NDUFA12: variants seen among roughly 807,000 people sequenced by gnomAD.
The protein encoded by NDUFA12 is NADH:ubiquinone oxidoreductase subunit A12.
A neutral mutation model predicts 20.3 loss-of-function variants in NDUFA12; 17 were observed. The observed-to-expected ratio is 0.84, with a 90% CI of 0.57 to 1.26. The LOEUF (loss-of-function observed/expected upper bound fraction) is 1.26. NDUFA12 is among the 50% of genes most tolerant of loss of function. NDUFA12 has a pLI of 0.00. For synonymous variants in NDUFA12, 72 were observed against 63.6 expected (o/e 1.13, Z -0.63); for missense variants, 191 against 183.7 (o/e 1.04, Z -0.23).
At chr12:94,982,901 T>C (rs892094768) in intron 3 of NDUFA12, among the ~76,000 whole-genome samples, 21 of 152,190 alleles carry the variant, frequency 1.4e-4, no homozygotes, top group Admixed American at 6.5e-4. Flanking sequence ...GAAGGTCATA[T>C]TCTCCTAACC....
At chr12:94,996,560 C>G (rs1355597565) in intron 2 of NDUFA12, among the ~76,000 whole-genome samples, 1 of 151,986 alleles carries the variant, frequency 6.6e-6, no homozygotes, top group Non-Finnish European at 1.5e-5. Flanking sequence ...TGGCTCACAC[C>G]TGTAATCCCA....
chr12:94,981,133 A>T (rs1336977289), intron 3 of NDUFA12, among the ~76,000 whole-genome samples: 1 of 152,240 alleles, frequency 6.6e-6, no homozygotes, highest in Non-Finnish European at 1.5e-5. Flanking sequence ...AAAAAGTAGT[A>T]TAGAATAGTA....
chr12:94,986,760 C>T (rs1241168877), intron 3 of NDUFA12, among the ~76,000 whole-genome samples: 1 of 151,992 alleles, frequency 6.6e-6, no homozygotes, highest in African/African-American at 2.4e-5. Context: ...CCAGTGCACT[C>T]AGCCTGGGCG....
chr12:94,999,922 C>T (rs1874965351), intron 2 of NDUFA12, among the ~76,000 whole-genome samples: 1 of 152,142 alleles, frequency 6.6e-6, no homozygotes, highest in African/African-American at 2.4e-5. Flanking sequence ...TAAGGAGATT[C>T]CTTAAAGAAC....
At chr12:94,989,644 G>C (rs1370617248) in intron 3 of NDUFA12, among the ~76,000 whole-genome samples, 1 of 152,210 alleles carries the variant, frequency 6.6e-6, no homozygotes, top group African/African-American at 2.4e-5. Context: ...TCTCCACAAA[G>C]AAATGCAGCT....
intron 2 of NDUFA12, among the ~76,000 whole-genome samples, chr12:95,002,116 T>C (rs1875059794): frequency 6.6e-6 from 1 of 151,992 alleles, no homozygotes. Context: ...CATATTTATA[T>C]GGTTTTGCCC....
At chr12:94,998,346 C>T (rs1177111181) in intron 2 of NDUFA12, among the ~76,000 whole-genome samples, 1 of 152,042 alleles carries the variant, frequency 6.6e-6, no homozygotes, top group East Asian at 1.9e-4. Context: ...TAAAAAAAGC[C>T]ATATATGACA....
chr12:94,971,522 C>G lies in NDUFA12; in HGVS notation c.356G>C (p.Gly119Ala). 6.2e-7 allele frequency: 1 copy of G among 1,614,084 alleles called. No individual in the cohort carries two copies. The highest frequency in any genetic ancestry group is 8.5e-7 in the Non-Finnish European group (1 of 1,180,006). The change falls in exon 4 of 4, where the codon GGC becomes GCC. Residue 119 changes from glycine (G) to alanine (A), a missense_variant. Coordinates refer to ENST00000327772, the MANE Select transcript of NDUFA12 (RefSeq NM_018838.5). ...IWTNHKFNVT[G>A]TPEQYVPYST... ...ATAAGGTACATATTGTTCTGGGGTG[C>G]CAGTCACGTTGAATTTATGGTTCGT...
chr12:94,987,019 T>A (rs1874467004), intron 3 of NDUFA12, among the ~76,000 whole-genome samples: 1 of 152,168 alleles, frequency 6.6e-6, no homozygotes. Context: ...AACCTCAAAG[T>A]GTCTCCCCAC....
chr12:94,986,633 T>TAA (rs200377156), intron 3 of NDUFA12, among the ~76,000 whole-genome samples: 19 of 55,964 alleles, frequency 3.4e-4, no homozygotes. Flanking sequence ...CCCTATCTCC[T>TAA]AAAAAAAAAC....
chr12:94,971,443 C>A lies in NDUFA12; in HGVS notation c.435G>T (p.Lys145Asn), dbSNP rs1873882154. ...TTTCAACTGTTCTTCATTGTCTTTA[C>A]TTGTAAGGTGTTGAAGGTGGGATCC... is the stretch of plus-strand genomic sequence containing the variant. ...QEWIPPSTPY[K>N] The change falls in exon 4 of 4, where the codon AAG (lysine) becomes AAT (asparagine). Residue 145 changes from lysine (K) to asparagine (N), a missense_variant. By Grantham distance (94) the Lys-to-Asn change is moderately conservative (BLOSUM62 0). Transcript: ENST00000327772. 1 of 1,613,818 alleles carries A rather than the reference C, an allele frequency of 6.2e-7. No individual in the cohort carries two copies. The highest frequency in any genetic ancestry group is 1.3e-5 in the African/African-American group (1 of 74,894).
At chr12:95,002,245 G>T (rs1416048870) in intron 2 of NDUFA12, among the ~76,000 whole-genome samples, 9 of 150,702 alleles carry the variant, frequency 6.0e-5, no homozygotes, top group Admixed American at 1.3e-4. Flanking sequence ...TTCAAGACCA[G>T]CCTGGCCAAT....
chr12:95,000,834 A>T (rs1000102385), intron 2 of NDUFA12, among the ~76,000 whole-genome samples: 5 of 152,236 alleles, frequency 3.3e-5, no homozygotes, highest in African/African-American at 1.2e-4. Flanking sequence ...ACATCTCTCT[A>T]TATTAAATTT....
intron 3 of NDUFA12, among the ~76,000 whole-genome samples, chr12:94,982,376 C>T (rs946895956): frequency 6.6e-6 from 1 of 151,404 alleles, no homozygotes; most frequent in Admixed American, 6.6e-5. Context: ...CAGGTTCATG[C>T]CAGTCTCCTG....
chr12:94,980,929 G>A (rs928794416), intron 3 of NDUFA12, among the ~76,000 whole-genome samples: 1 of 151,926 alleles, frequency 6.6e-6, no homozygotes, highest in African/African-American at 2.4e-5. Flanking sequence ...ATACAGCCGT[G>A]CATGAAATAG....
intron 3 of NDUFA12, chr12:94,972,419 C>A (rs1565811927): frequency 2.2e-6 from 1 of 449,580 alleles, no homozygotes; most frequent in South Asian, 1.6e-5. Context: ...GTGCTAGAGG[C>A]CGATTCTGGA....
At chr12:94,997,639 CT>C (rs1592706276) in intron 2 of NDUFA12, among the ~76,000 whole-genome samples, 2 of 152,004 alleles carry the variant, frequency 1.3e-5, no homozygotes, top group Admixed American at 6.6e-5. Flanking sequence ...AAATTGGAAA[CT>C]TTTTTTGTGT....
chr12:94,971,826 A>G (rs756832031), intron 3 of NDUFA12: 1 of 750,392 alleles, frequency 1.3e-6, no homozygotes, highest in South Asian at 1.4e-5. Flanking sequence ...AAAAGGAGAT[A>G]ATAGACATAA....
At chr12:94,983,714 T>C (rs7310432) in intron 3 of NDUFA12, among the ~76,000 whole-genome samples, 70,326 of 151,906 alleles carry the variant, frequency 0.46, 17,096 homozygotes, top group African/African-American at 0.6. Flanking sequence ...ACAACCTGCA[T>C]CACTAGCACC....
Sources: allele counts gnomAD v4.1 joint callset (sites outside exome capture counted in the v4.1 genomes callset), GRCh38; gene constraint gnomAD v4.1.1; transcripts MANE v1.5; gene names NCBI Gene and HGNC (gene_info 2026-07-23, HGNC 2026-07-21).